SEC13: variants seen among roughly 807,000 people sequenced by gnomAD.
SEC13 encodes SEC13 homolog, nuclear pore and COPII component, also known as protein SEC13 homolog.
Under a neutral mutation model 49.2 loss-of-function variants are expected in SEC13, and 25 were observed. The observed-to-expected ratio is 0.51, with a 90% CI of 0.37 to 0.71. The LOEUF (loss-of-function observed/expected upper bound fraction) is 0.71. Among genes scored for constraint, SEC13 ranks in the 30% least tolerant of loss-of-function variants. SEC13 has a pLI of 0.00. For missense variants in SEC13, 383 were observed against 417.6 expected (o/e 0.92, Z 0.72); for synonymous variants, 148 against 163.9 (o/e 0.90, Z 0.74).
intron 2 of SEC13, among the ~76,000 whole-genome samples, chr3:10,317,219 T>C (rs562171421): frequency 6.6e-6 from 1 of 152,292 alleles, no homozygotes; most frequent in East Asian, 1.9e-4. Flanking sequence ...TTCCTGCCCA[T>C]GATTCCATGC....
At chr3:10,320,821 G>A in intron 1 of SEC13, 1 of 1,328,160 alleles carries the variant, frequency 7.5e-7, no homozygotes, top group Non-Finnish European at 9.6e-7. Flanking sequence ...ACTGGCAGGA[G>A]ACGCAGGAGC....
At position 10,304,045 on chromosome 3, in the gene SEC13, A is replaced by T. The variant is rs761380742; in HGVS notation, c.836T>A (p.Val279Asp). ...ATGTACCTTATTGTCTCCACCAGAGACAGCCAGGATGTTGGCTGTGATGGA... is the reference window on the plus strand; with the variant it reads ...ATGTACCTTATTGTCTCCACCAGAGTCAGCCAGGATGTTGGCTGTGATGGA... ...SWSITANILA[V>D]SGGDNKVTLW... Residue 279 changes from valine to aspartate, a missense_variant, in exon 8 of 9, where the codon GTC becomes GAC. Transcript: ENST00000350697. 6.2e-7 allele frequency: 1 copy of T among 1,614,146 alleles called. No homozygotes were observed. The highest frequency in any genetic ancestry group is 8.5e-7 in the Non-Finnish European group (1 of 1,180,028).
At chr3:10,305,494 T>C in intron 6 of SEC13, 65 bp downstream of exon 6, 1 of 1,570,946 alleles carries the variant, frequency 6.4e-7, no homozygotes, top group African/African-American at 1.4e-5. Flanking sequence ...TGTGGCTGAG[T>C]CATGGTGAGT....
Position 10,305,596 on chromosome 3 carries a change from C to T in SEC13, c.547G>A (p.Ala183Thr). 6.2e-7 allele frequency: 1 copy of T among 1,614,150 alleles called. No homozygotes were observed. Among genetic ancestry groups the T allele is most frequent in the Middle Eastern group, 1.7e-4 (1 of 6,022 alleles). Residue 183 changes from alanine to threonine, a missense_variant, in exon 6 of 9, where the codon GCA becomes ACA. By Grantham distance (58) the Ala-to-Thr change is moderately conservative. Transcript: ENST00000350697. ...ATGAGGTTGTCACAGCCACCTGATG[C>T]AAACCTCTTGATGTAATTGGGTTTC... ...GQKPNYIKRF[A>T]SGGCDNLIKL...
In SEC13 at chr3:10,312,074, T is replaced by TG; in HGVS notation, c.340dup (p.His114ProfsTer2). 2.5e-6 allele frequency: 4 copies of TG among 1,609,294 alleles called. No homozygotes were observed. The highest frequency in any genetic ancestry group is 3.4e-6 in the Non-Finnish European group (4 of 1,177,766). On this transcript the variant is annotated frameshift_variant, in exon 5 of 9. Transcript: ENST00000350697. LOFTEE classifies it high-confidence loss of function. ...ACAGGCCAGGATCAGGCCGTAGTCATGGGGGGCCCAGCACACCGAGTTCAC... is the reference window on the plus strand; with the variant it reads ...ACAGGCCAGGATCAGGCCGTAGTCATGGGGGGGCCCAGCACACCGAGTTCAC...
chr3:10,310,663 T>G (rs189384552), intron 5 of SEC13, among the ~76,000 whole-genome samples: 33 of 152,314 alleles, frequency 2.2e-4, no homozygotes, highest in African/African-American at 6.5e-4. Flanking sequence ...GCAAAACAGT[T>G]TAGCAATTCC....
chr3:10,306,444 T>G (rs994803834), intron 5 of SEC13, among the ~76,000 whole-genome samples: 3 of 152,226 alleles, frequency 2.0e-5, no homozygotes, highest in Non-Finnish European at 4.4e-5. Context: ...TCTCTTATAT[T>G]AACAGCTGTC....
chr3:10,311,562 A>G, intron 5 of SEC13: 2 of 851,350 alleles, frequency 2.3e-6, no homozygotes, highest in South Asian at 5.1e-5. Context: ...AAAGTTGGGT[A>G]AAGAATGACC....
intron 5 of SEC13, among the ~76,000 whole-genome samples, chr3:10,307,415 T>A (rs1700953093): frequency 6.6e-6 from 1 of 151,990 alleles, no homozygotes; most frequent in African/African-American, 2.4e-5. Context: ...GTTAGTCCAT[T>A]TTCACGCTGC....
At chr3:10,302,864 G>A (rs1700624069) in intron 8 of SEC13, among the ~76,000 whole-genome samples, 1 of 152,234 alleles carries the variant, frequency 6.6e-6, no homozygotes. Context: ...CTTTACAAAG[G>A]AAGGAATTCT....
Position 10,318,038 on chromosome 3 carries a change from A to G in SEC13, c.48+12T>C. On this transcript the variant is annotated intron_variant, in intron 2 of 8. Coordinates refer to ENST00000350697, the MANE Select transcript of SEC13 (RefSeq NM_183352.3). ...TCCACACCCCTCCAGGGAGGGTGAT[A>G]TTAATACTTACAATCATGTCCTCAT... is the stretch of plus-strand genomic sequence containing the variant. 1.3e-6 allele frequency: 2 copies of G among 1,589,148 alleles called. No individual in the cohort carries two copies. Among genetic ancestry groups the G allele is most frequent in the Non-Finnish European group, 1.7e-6 (2 of 1,157,886 alleles).
chr3:10,309,648 A>AAAT (rs1701126375), intron 5 of SEC13, among the ~76,000 whole-genome samples: 1 of 152,230 alleles, frequency 6.6e-6, no homozygotes, highest in African/African-American at 2.4e-5. Flanking sequence ...GCTTGATTTG[A>AAAT]AATAGCAGGT....
In SEC13 at chr3:10,301,386, T is replaced by G; in HGVS notation, c.856-12A>C. 1 of 1,614,116 alleles carries G rather than the reference T, an allele frequency of 6.2e-7. No individual in the cohort carries two copies. Among genetic ancestry groups the G allele is most frequent in the Non-Finnish European group, 8.5e-7 (1 of 1,180,036 alleles). On this transcript the variant is annotated splice_polypyrimidine_tract_variant and intron_variant, in intron 8 of 8. Transcript: ENST00000350697. ...TTCCACAGGGTCACCTGCGAGTCAG[T>G]GCACAAGCAGATTATCACGGGTCTG...
rs1013572749 is a variant in SEC13, at chr3:10,321,018, C to G, written c.3+32G>C. 6.2e-7 allele frequency: 1 copy of G among 1,610,134 alleles called. No homozygotes were observed. The highest frequency in any genetic ancestry group is 1.3e-5 in the African/African-American group (1 of 74,464). On this transcript the variant is annotated intron_variant, in intron 1 of 8. Coordinates refer to ENST00000350697, the MANE Select transcript of SEC13 (RefSeq NM_183352.3). This position sits in a 1 kb window ranked among gnomAD's most constrained non-coding sequence, Gnocchi z 4.1. The stretch of plus-strand genomic sequence containing the variant: ...GTGAAGGCCGCGACCGTGGCCTTCA[C>G]CCTGCTAGGCCTCCTCAGTACCAAC...
At chr3:10,305,354 G>T in intron 6 of SEC13, 198 bp from the exon 7 acceptor site, 1 of 1,062,500 alleles carries the variant, frequency 9.4e-7, no homozygotes, top group Non-Finnish European at 1.3e-6. Flanking sequence ...CACAGCCAAA[G>T]AGTCAGCTCC....
chr3:10,311,476 T>G (rs757182837), intron 5 of SEC13: 3 of 204,814 alleles, frequency 1.5e-5, no homozygotes, highest in Non-Finnish European at 2.6e-5. Context: ...GGTAGGACAT[T>G]GATGTTCGCT....
chr3:10,312,917 G>A (rs1701372664), intron 3 of SEC13, 187 bp from the exon 4 acceptor site: 5 of 578,868 alleles, frequency 8.6e-6, no homozygotes, highest in Non-Finnish European at 1.5e-5. Context: ...GGTCCTAAGA[G>A]GTTAAGCAAC....
chr3:10,307,303 G>A (rs1438325251), intron 5 of SEC13, among the ~76,000 whole-genome samples: 3 of 139,342 alleles, frequency 2.2e-5, no homozygotes, highest in African/African-American at 7.5e-5. Flanking sequence ...CCACCTCCCA[G>A]GTTCAAGTGA....
At chr3:10,303,337 CCT>C (rs1229388515) in intron 8 of SEC13, among the ~76,000 whole-genome samples, 1 of 152,250 alleles carries the variant, frequency 6.6e-6, no homozygotes, top group African/African-American at 2.4e-5. Flanking sequence ...CGTTAGAGAT[CCT>C]CTGTCTTATA....
Sources: allele counts gnomAD v4.1 joint callset (sites outside exome capture counted in the v4.1 genomes callset), GRCh38; gene constraint gnomAD v4.1.1; non-coding constraint Gnocchi (gnomAD v3.1); transcripts MANE v1.5; gene names NCBI Gene and HGNC (gene_info 2026-07-23, HGNC 2026-07-21).